The following KATNIP variants were observed in gnomAD, a reference collection of about 807,000 sequenced individuals.
KATNIP encodes the protein katanin-interacting protein.
In KATNIP, 126 loss-of-function variants were observed where a neutral mutation model predicts 174.0. That is an observed-to-expected ratio of 0.72 (90% CI 0.63 to 0.84). KATNIP has a LOEUF of 0.84. Among genes scored for constraint, KATNIP ranks in the 40% least tolerant of loss-of-function variants. The pLI is 0.00. For synonymous variants in KATNIP, 810 were observed against 835.7 expected (o/e 0.97, Z 0.53); for missense variants, 1,958 against 2,109.7 (o/e 0.93, Z 1.41).
intron 6 of KATNIP, among the ~76,000 whole-genome samples, chr16:27,652,177 C>T (rs2077140340): frequency 6.6e-6 from 1 of 152,098 alleles, no homozygotes; most frequent in Non-Finnish European, 1.5e-5. Flanking sequence ...TGTCAGGAGA[C>T]AACAGGGCTG....
intron 6 of KATNIP, among the ~76,000 whole-genome samples, chr16:27,655,199 TA>T (rs2077234323): frequency 3.7e-5 from 4 of 108,226 alleles, no homozygotes; most frequent in African/African-American, 1.8e-4. Context: ...TATATATATA[TA>T]TATATATATA....
chr16:27,731,601 G>A (rs569486103), intron 14 of KATNIP, among the ~76,000 whole-genome samples: 55 of 151,956 alleles, frequency 3.6e-4, no homozygotes, highest in African/African-American at 1.1e-3. Context: ...CCCATTTCAC[G>A]GCCCTGTCTT....
chr16:27,756,334 A>C (rs1476500502), intron 18 of KATNIP, among the ~76,000 whole-genome samples: 3 of 152,260 alleles, frequency 2.0e-5, no homozygotes, highest in Admixed American at 6.5e-5. Context: ...ACATTAGGCA[A>C]GAGCCTGGGT....
At chr16:27,743,866 G>A (rs2081193110) in intron 15 of KATNIP, among the ~76,000 whole-genome samples, 1 of 152,058 alleles carries the variant, frequency 6.6e-6, no homozygotes, top group Non-Finnish European at 1.5e-5. Flanking sequence ...ACCTGCCCCG[G>A]GAAAGCCAGG....
chr16:27,672,051 C>T (rs2077930324), intron 6 of KATNIP, among the ~76,000 whole-genome samples: 3 of 152,052 alleles, frequency 2.0e-5, no homozygotes, highest in South Asian at 2.1e-4. Context: ...AGCAAAAATC[C>T]GTCTCAAAAA....
At chr16:27,648,318 G>A (rs987104374) in intron 5 of KATNIP, among the ~76,000 whole-genome samples, 2 of 151,344 alleles carry the variant, frequency 1.3e-5, no homozygotes, top group African/African-American at 2.4e-5. Context: ...GAACAGAATT[G>A]CCAACCAAAA....
chr16:27,562,723 T>C (rs2089933780), intron 1 of KATNIP, among the ~76,000 whole-genome samples: 1 of 152,168 alleles, frequency 6.6e-6, no homozygotes, highest in South Asian at 2.1e-4. Context: ...TAGACTGAAA[T>C]ATATTTCAGC....
chr16:27,580,401 C>T (rs955083182), intron 2 of KATNIP, among the ~76,000 whole-genome samples: 6 of 152,244 alleles, frequency 3.9e-5, no homozygotes. Flanking sequence ...GCGTGAGCCA[C>T]CTAGCCTGGT....
At chr16:27,715,850 A>G (rs2079908796) in intron 13 of KATNIP, among the ~76,000 whole-genome samples, 1 of 152,224 alleles carries the variant, frequency 6.6e-6, no homozygotes, top group Non-Finnish European at 1.5e-5. Context: ...GTGGAAATGT[A>G]AAATGGTGCA....
intron 5 of KATNIP, among the ~76,000 whole-genome samples, chr16:27,640,858 G>A (rs1029096922): frequency 3.9e-5 from 6 of 152,000 alleles, no homozygotes; most frequent in African/African-American, 9.7e-5. Context: ...GAGAGAGGCC[G>A]GGCGCGGAGG....
At chr16:27,705,071 C>T (rs947269021) in intron 12 of KATNIP, among the ~76,000 whole-genome samples, 1 of 151,926 alleles carries the variant, frequency 6.6e-6, no homozygotes, top group Non-Finnish European at 1.5e-5. Flanking sequence ...TCACCATGCC[C>T]AGCTAATTTT....
At chr16:27,550,203 A>T (rs768719151) in intron 1 of KATNIP, 26 bp downstream of exon 1, 14 of 1,606,476 alleles carry the variant, frequency 8.7e-6, no homozygotes, top group Non-Finnish European at 1.0e-5. Flanking sequence ...CCCCTCCGGG[A>T]GGTCGGGCTG....
chr16:27,753,398 A>G (rs2081592200), intron 17 of KATNIP, among the ~76,000 whole-genome samples: 1 of 152,028 alleles, frequency 6.6e-6, no homozygotes, highest in Admixed American at 6.5e-5. Context: ...CCAAATGACA[A>G]AGGTGCTCGT....
chr16:27,569,556 C>G (rs1190513229), intron 1 of KATNIP, among the ~76,000 whole-genome samples: 2 of 152,218 alleles, frequency 1.3e-5, no homozygotes, highest in Non-Finnish European at 2.9e-5. Flanking sequence ...TTAATGTCAC[C>G]TTTTTCCACT....
chr16:27,586,972 G>A (rs1224162168), intron 2 of KATNIP, among the ~76,000 whole-genome samples: 7 of 147,236 alleles, frequency 4.8e-5, no homozygotes, highest in African/African-American at 1.8e-4. Flanking sequence ...TACATTGTTT[G>A]GGCCACTCGT....
chr16:27,616,641 C>T (rs559172605), intron 2 of KATNIP, among the ~76,000 whole-genome samples: 1 of 151,634 alleles, frequency 6.6e-6, no homozygotes, highest in East Asian at 1.9e-4. Context: ...GCAGGAGAAT[C>T]GCTTGAACCT....
chr16:27,705,989 T>G (rs1345679471), intron 12 of KATNIP, among the ~76,000 whole-genome samples: 4 of 152,172 alleles, frequency 2.6e-5, no homozygotes, highest in Non-Finnish European at 5.9e-5. Flanking sequence ...AGTCTCCTTA[T>G]ATTACGGGAG....
intron 14 of KATNIP, among the ~76,000 whole-genome samples, chr16:27,735,945 G>T (rs1258663749): frequency 1.3e-5 from 2 of 152,190 alleles, no homozygotes; most frequent in Admixed American, 1.3e-4. Flanking sequence ...GCACTGTTGA[G>T]ACAGCAGTGC....
chr16:27,645,127 ATGGT>A (rs1393186016), intron 5 of KATNIP, among the ~76,000 whole-genome samples: 1 of 152,174 alleles, frequency 6.6e-6, no homozygotes, highest in Non-Finnish European at 1.5e-5. Flanking sequence ...ACCAGAGGAC[ATGGT>A]TGGCTGGCTT....
Sources: gnomAD v4.1 joint callset for allele counts (sites outside exome capture counted in the v4.1 genomes callset) on GRCh38, gnomAD v4.1.1 for gene constraint, MANE v1.5 for transcripts, NCBI Gene and HGNC (gene_info 2026-07-23, HGNC 2026-07-21) for gene names.